PARVB: variants seen among roughly 807,000 people sequenced by gnomAD.
PARVB encodes parvin beta, also known as beta-parvin.
A neutral mutation model predicts 47.0 loss-of-function variants in PARVB; 46 were observed. The ratio of observed to expected loss-of-function variants is 0.98; its 90% CI spans 0.77 to 1.25. The LOEUF is 1.25. Ranked by LOEUF, PARVB falls within the 50% of genes most tolerant of loss-of-function variation. PARVB has a pLI of 0.00. For synonymous variants in PARVB, 196 were observed against 196.3 expected (o/e 1.00, Z 0.01); for missense variants, 473 against 471.6 (o/e 1.00, Z -0.03).
chr22:44,149,729 A>G (rs2053761266), intron 9 of PARVB: 1 of 152,322 alleles, frequency 6.6e-6, no homozygotes, highest in Admixed American at 6.5e-5. Flanking sequence ...CTACACGCAT[A>G]TGGAGAATTA....
At chr22:44,101,417 T>TA (rs1239226400) in intron 3 of PARVB, among the ~76,000 whole-genome samples, 2 of 134,926 alleles carry the variant, frequency 1.5e-5, no homozygotes, top group African/African-American at 6.2e-5. Flanking sequence ...CAAAAAAAAA[T>TA]AAAAAATAAA....
chr22:44,065,336 T>G (rs1373535798), intron 1 of PARVB, among the ~76,000 whole-genome samples: 1 of 152,122 alleles, frequency 6.6e-6, no homozygotes, highest in African/African-American at 2.4e-5. Context: ...TATTTTCTGT[T>G]TTTTTAGAGG....
chr22:44,104,294 T>A (rs2052519097), intron 3 of PARVB: 1 of 152,166 alleles, frequency 6.6e-6, no homozygotes, highest in Non-Finnish European at 1.5e-5. Context: ...TGGCAGACAT[T>A]TTCCACTCTT....
In PARVB at chr22:44,136,464, G is replaced by A. The variant is rs1202829727; in HGVS notation, c.638G>A (p.Arg213Gln). Residue 213 changes from arginine (R) to glutamine (Q), a missense_variant, in exon 7 of 13, where the codon CGG becomes CAG. Physicochemically the swap from Arg to Gln is conservative, Grantham distance 43. Coordinates refer to ENST00000338758, the MANE Select transcript of PARVB (RefSeq NM_013327.5). ...VTVQVVVVRK[R>Q]EGLLHSSHIS... is the part of the protein sequence containing the mutation. ...TGTTTATTTTGGGGTTTTCAGAAAC[G>A]GGAAGGCCTGCTGCATTCCAGCCAC... 5.6e-6 allele frequency: 9 copies of A among 1,613,700 alleles called. No homozygotes were observed. The highest frequency in any genetic ancestry group is 2.7e-5 in the African/African-American group (2 of 74,866).
At chr22:44,147,947 T>A in intron 9 of PARVB, 25 bp downstream of exon 9, 1 of 1,604,902 alleles carries the variant, frequency 6.2e-7, no homozygotes, top group Non-Finnish European at 8.5e-7. Flanking sequence ...GGATGTTGGA[T>A]GTGCTCTCCC....
At chr22:44,098,253 G>T (rs2052356179) in intron 2 of PARVB, among the ~76,000 whole-genome samples, 1 of 152,194 alleles carries the variant, frequency 6.6e-6, no homozygotes, top group African/African-American at 2.4e-5. Flanking sequence ...CTCACGGCCT[G>T]GCCCTGCTCC....
chr22:44,172,812 A>C lies in PARVB; in HGVS notation c.*4134A>C. ...TCAGGCCCACCTGGCTGAGTGCAGG[A>C]AGCAAGCGCTTTTCAGGAGCTCACT... is the stretch of plus-strand genomic sequence containing the variant. On this transcript the variant is annotated 3_prime_UTR_variant, in exon 13 of 13. Transcript: ENST00000338758. 2.3e-6 allele frequency: 1 copy of C among 431,870 alleles called. No homozygotes were observed. Among genetic ancestry groups the C allele is most frequent in the Non-Finnish European group, 3.9e-6 (1 of 257,348 alleles). The allele number at this position is 431,870 out of a possible 1,614,324, so 26.8% of individuals were successfully genotyped here. A position where few individuals can be genotyped will look rare whatever the true frequency, so the allele number is the denominator to read the frequency against.
intron 1 of PARVB, among the ~76,000 whole-genome samples, chr22:44,039,432 T>C (rs2050977857): frequency 6.6e-6 from 1 of 151,776 alleles, no homozygotes; most frequent in Admixed American, 6.6e-5. Context: ...TCCCAGCTAC[T>C]TGGGAGGCTG....
intron 3 of PARVB, chr22:44,104,583 T>A (rs1569116798): frequency 6.6e-6 from 1 of 152,440 alleles, no homozygotes; most frequent in Non-Finnish European, 1.5e-5. Flanking sequence ...GATTTGCTTG[T>A]GTTCATGGAT....
intron 1 of PARVB, among the ~76,000 whole-genome samples, chr22:44,048,533 G>A (rs1268372218): frequency 6.6e-6 from 1 of 151,724 alleles, no homozygotes; most frequent in Non-Finnish European, 1.5e-5. Context: ...CACCATGCCC[G>A]GATAATTTTT....
In PARVB at chr22:44,055,666, C is replaced by A. The variant is rs1054231062; in HGVS notation, c.112+31215C>A. 2.9e-5 allele frequency among the ~76,000 whole-genome samples: 4 copies of A among 140,172 alleles called. No individual in the cohort carries two copies. The Admixed American group carries it at 2.9e-4, about 10-fold the overall frequency. 92.0% of individuals were successfully genotyped at this position (140,172 alleles called of 152,430 possible). On this transcript the variant is annotated intron_variant, in intron 1 of 12. Transcript: ENST00000338758. ...TGTCTGTCTCTATCCATCTCTCTCTCTCTCTCTCTCTCTATATATATATAT... is the reference window on the plus strand; with the variant it reads ...TGTCTGTCTCTATCCATCTCTCTCTATCTCTCTCTCTCTATATATATATAT...
chr22:44,125,068 G>C lies in PARVB; in HGVS notation c.376+5928G>C, dbSNP rs1327254077. Among the ~76,000 whole-genome samples the C allele has an allele frequency of 6.6e-6, 1 of 152,026 alleles. No homozygotes were observed. Among genetic ancestry groups the C allele is most frequent in the African/African-American group, 2.4e-5 (1 of 41,400 alleles). On this transcript the variant is annotated intron_variant, in intron 4 of 12. Coordinates refer to ENST00000338758, the MANE Select transcript of PARVB (RefSeq NM_013327.5). The surrounding 1 kb of genome is among the most constrained non-coding windows in gnomAD (Gnocchi z 4.1). ...GCTTGTGACAGGTGGTGGTGAGGGT[G>C]GGGGGATGAGGTGCTGGGGAGGCCA...
chr22:44,136,311 G>A (rs989320102), intron 6 of PARVB, 149 bp from the exon 7 acceptor site: 3 of 720,030 alleles, frequency 4.2e-6, no homozygotes, highest in South Asian at 3.3e-5. Context: ...ACTCACCCAG[G>A]CCTGGCATGC....
intron 2 of PARVB, among the ~76,000 whole-genome samples, chr22:44,096,572 G>A (rs2052313020): frequency 6.6e-6 from 1 of 152,160 alleles, no homozygotes; most frequent in Non-Finnish European, 1.5e-5. Context: ...GACCCTGTGA[G>A]GTGGGTTGTA....
At chr22:44,039,161 AGGAAATCAGCTT>A (rs1317140781) in intron 1 of PARVB, among the ~76,000 whole-genome samples, 2 of 152,186 alleles carry the variant, frequency 1.3e-5, no homozygotes, top group East Asian at 3.9e-4. Flanking sequence ...GTGGCCCCTC[AGGAAATCAGCTT>A]GGTAGTTTCT....
intron 11 of PARVB, among the ~76,000 whole-genome samples, chr22:44,161,111 TTGTG>T (rs757284719): frequency 6.7e-6 from 1 of 150,368 alleles, no homozygotes; most frequent in Non-Finnish European, 1.5e-5. Context: ...GTCAAGCCTG[TTGTG>T]TGTGTGTGTG....
At position 43,999,844 on chromosome 22, in the gene PARVB, A is replaced by AAAAC. The variant is rs753175443; in HGVS notation, c.211+174_211+175insCAAA. Among the ~76,000 whole-genome samples, 919 of 138,820 alleles carry AAAAC rather than the reference A, an allele frequency of 6.6e-3. 9 individuals carry two copies. The highest frequency in any genetic ancestry group is 9.0e-3 in the Admixed American group (124 of 13,742). 91.1% of individuals were successfully genotyped at this position (138,820 alleles called of 152,430 possible). On this transcript the variant is annotated intron_variant, in intron 2 of 13. Transcript: ENST00000406477. ...AAAACCCATCTATATGAAAAAAAAA[A>AAAAC]AAAAAAAAAAAAAACAGCTGGGTGT... is the stretch of plus-strand genomic sequence containing the variant.
rs1222421400 is a variant in PARVB, at chr22:44,171,513, A to T, written c.*2835A>T. 1 of 151,446 alleles carries T rather than the reference A, an allele frequency of 6.6e-6. No homozygotes were observed. The highest frequency in any genetic ancestry group is 6.6e-5 in the Admixed American group (1 of 15,076). 9.4% of individuals were successfully genotyped at this position (151,446 alleles called of 1,614,324 possible). ...CTGTCTCAAAAAAAAAAAAGAAAGAAAAAAGAAAAAGAAAAGAACAGAGCT... is the reference window on the plus strand; with the variant it reads ...CTGTCTCAAAAAAAAAAAAGAAAGATAAAAGAAAAAGAAAAGAACAGAGCT... On this transcript the variant is annotated 3_prime_UTR_variant, in exon 13 of 13. Coordinates refer to ENST00000338758, the MANE Select transcript of PARVB (RefSeq NM_013327.5).
intron 12 of PARVB, among the ~76,000 whole-genome samples, chr22:44,166,829 A>G (rs2054178876): frequency 6.6e-6 from 1 of 152,264 alleles, no homozygotes; most frequent in African/African-American, 2.4e-5. Flanking sequence ...TTCTTCATTC[A>G]AAATCAGCTG....
Sources: allele counts gnomAD v4.1 joint callset (sites outside exome capture counted in the v4.1 genomes callset), GRCh38; gene constraint gnomAD v4.1.1; non-coding constraint Gnocchi (gnomAD v3.1); transcripts MANE v1.5; gene names NCBI Gene and HGNC (gene_info 2026-07-23, HGNC 2026-07-21).